The following RCN3 variants were observed in gnomAD, a reference collection of about 807,000 sequenced individuals.
The protein encoded by RCN3 is reticulocalbin-3.
In RCN3, 41 loss-of-function variants were observed where a neutral mutation model predicts 35.9. The ratio of observed to expected loss-of-function variants is 1.14; its 90% confidence interval spans 0.89 to 1.48. The LOEUF (loss-of-function observed/expected upper bound fraction) is 1.48. RCN3 is among the 40% of genes most tolerant of loss of function. The probability of loss-of-function intolerance (pLI) is 0.00; values close to 1 mark genes in which losing one functional copy is unlikely to be tolerated. For missense variants in RCN3, 451 were observed against 471.3 expected (o/e 0.96, Z 0.40); for synonymous variants, 187 against 193.4 (o/e 0.97, Z 0.27).
chr19:49,539,885 G>A (rs1245470918), intron 5 of RCN3, among the ~76,000 whole-genome samples: 1 of 151,950 alleles, frequency 6.6e-6, no homozygotes, highest in Non-Finnish European at 1.5e-5. Context: ...ACCACGCCTG[G>A]CTAATTTTTG....
In RCN3 at chr19:49,534,350, G is replaced by A; in HGVS notation, c.400G>A (p.Gly134Ser). The A allele has an allele frequency of 9.1e-6, 14 of 1,535,008 alleles. No homozygotes were observed. Among genetic ancestry groups the A allele is most frequent in the Non-Finnish European group, 1.2e-5 (14 of 1,142,022 alleles). ...CGACACGGACCGCGACGGGCGTGTG[G>A]GTTGGGAGGAGCTGCGCAACGCCAC... ...TYDTDRDGRV[G>S]WEELRNATYG... The change falls in exon 3 of 7, where the codon GGT becomes AGT. Residue 134 changes from glycine to serine, a missense_variant. Gly to Ser is a moderately conservative substitution (Grantham distance 56). Transcript: ENST00000270645.
chr19:49,537,990 C>CTT (rs771610301), intron 4 of RCN3, among the ~76,000 whole-genome samples: 259 of 142,454 alleles, frequency 1.8e-3, no homozygotes, highest in African/African-American at 6.3e-3. Flanking sequence ...TTTCCTTCCT[C>CTT]TTTTTTTTTT....
chr19:49,542,410 C>T (rs1357555215), intron 5 of RCN3, 143 bp from the exon 6 acceptor site: 2 of 591,490 alleles, frequency 3.4e-6, no homozygotes, highest in African/African-American at 3.7e-5. Flanking sequence ...TCCATCGAAA[C>T]AGAAGAGGAC....
chr19:49,542,675 C>T lies in RCN3; in HGVS notation c.802C>T (p.His268Tyr). Residue 268 changes from histidine to tyrosine, a missense_variant, in exon 6 of 7, where the codon CAC (histidine) becomes TAC (tyrosine). By Grantham distance (83) the His-to-Tyr change is moderately conservative. Coordinates refer to ENST00000270645, the MANE Select transcript of RCN3 (RefSeq NM_020650.3). ...DGHLDGSEVG[H>Y]WVLPPAQDQP... ...GCACCTGGATGGGAGTGAGGTGGGC[C>T]ACTGGGTGCTGCCCCCTGCCCAGGA... is the stretch of plus-strand genomic sequence containing the variant. 1.3e-6 allele frequency: 2 copies of T among 1,598,922 alleles called. No homozygotes were observed. The highest frequency in any genetic ancestry group is 1.7e-6 in the Non-Finnish European group (2 of 1,174,238).
chr19:49,535,873 T>TAGATAGATAGATAGATAG (rs369474948), intron 3 of RCN3, among the ~76,000 whole-genome samples: 3 of 144,794 alleles, frequency 2.1e-5, no homozygotes, highest in African/African-American at 7.8e-5. Flanking sequence ...TATATATATA[T>TAGATAGATAGATAGATAG]ATAGATAGAT....
intron 4 of RCN3, among the ~76,000 whole-genome samples, chr19:49,538,716 G>A (rs1267459189): frequency 6.6e-6 from 1 of 152,158 alleles, no homozygotes; most frequent in Non-Finnish European, 1.5e-5. Context: ...TGTGTCAGAA[G>A]AAGCCCCAAA....
At chr19:49,535,873 T>TATATATAGATAG (rs1555811318) in intron 3 of RCN3, among the ~76,000 whole-genome samples, 40 of 144,796 alleles carry the variant, frequency 2.8e-4, no homozygotes, top group African/African-American at 9.3e-4. Context: ...TATATATATA[T>TATATATAGATAG]ATAGATAGAT....
At chr19:49,538,524 C>A (rs761209115) in intron 4 of RCN3, among the ~76,000 whole-genome samples, 84 of 151,740 alleles carry the variant, frequency 5.5e-4, no homozygotes, top group Non-Finnish European at 1.1e-3. Flanking sequence ...GTTGCCCAGG[C>A]TAGTCTCAAA....
Position 49,543,356 on chromosome 19 carries a change from C to A in RCN3, c.*143C>A, listed in dbSNP as rs2080173157. ...TCCTGCCCCTGGGCTCTCAGGGACCCCCTGGGTCGGCTTCTGTCCCTGTCA... is the reference window on the plus strand; with the variant it reads ...TCCTGCCCCTGGGCTCTCAGGGACCACCTGGGTCGGCTTCTGTCCCTGTCA... On this transcript the variant is annotated 3_prime_UTR_variant, in exon 7 of 7. Coordinates refer to ENST00000270645, the MANE Select transcript of RCN3 (RefSeq NM_020650.3). The A allele has an allele frequency of 4.3e-6, 3 of 700,284 alleles. No individual in the cohort carries two copies. The Admixed American group carries it at 7.0e-5, about 16-fold the overall frequency. 43.4% of individuals were successfully genotyped at this position (700,284 alleles called of 1,614,324 possible). A position where few individuals can be genotyped will look rare whatever the true frequency, so the allele number is the denominator to read the frequency against.
intron 4 of RCN3, among the ~76,000 whole-genome samples, chr19:49,538,436 G>C (rs1467857269): frequency 6.6e-6 from 1 of 151,730 alleles, no homozygotes; most frequent in Non-Finnish European, 1.5e-5. Flanking sequence ...CAAAGTGCTG[G>C]GATTACAGTT....
intron 2 of RCN3, among the ~76,000 whole-genome samples, chr19:49,531,356 C>T (rs982331747): frequency 4.0e-5 from 6 of 151,814 alleles, no homozygotes; most frequent in Admixed American, 2.0e-4. Flanking sequence ...CTCACGCCTG[C>T]AATCCCAGCA....
Position 49,537,244 on chromosome 19 carries a change from C to T in RCN3, c.618+39C>T, listed in dbSNP as rs757862817. ...GGGGAACCCTGTCCCCCACACCCTT[C>T]CGGGGACCCAGGCTTCCGGTTCAGG... On this transcript the variant is annotated intron_variant, in intron 4 of 6. Coordinates refer to ENST00000270645, the MANE Select transcript of RCN3 (RefSeq NM_020650.3). The T allele has an allele frequency of 4.2e-6, 6 of 1,420,546 alleles. No homozygotes were observed. The South Asian group carries it at 7.8e-5, about 18-fold the overall frequency. 88.0% of individuals were successfully genotyped at this position (1,420,546 alleles called of 1,614,324 possible). A position where few individuals can be genotyped will look rare whatever the true frequency, so the allele number is the denominator to read the frequency against.
Position 49,534,290 on chromosome 19 carries a change from A to G in RCN3, c.340A>G (p.Ile114Val). The G allele has an allele frequency of 2.0e-6, 3 of 1,483,874 alleles. No homozygotes were observed. Among genetic ancestry groups the G allele is most frequent in the Non-Finnish European group, 1.8e-6 (2 of 1,119,374 alleles). 91.9% of individuals were successfully genotyped at this position (1,483,874 alleles called of 1,614,324 possible). A position where few individuals can be genotyped will look rare whatever the true frequency, so the allele number is the denominator to read the frequency against. ...AWIAHTQQRH[I>V]RDSVSAAWDT... ...GATCGCGCACACGCAGCAGCGGCAC[A>G]TACGGGACTCGGTGAGCGCGGCCTG... Residue 114 changes from isoleucine to valine, a missense_variant, in exon 3 of 7, where the codon ATA (isoleucine) becomes GTA (valine). Ile to Val is a conservative substitution (Grantham distance 29). Transcript: ENST00000270645.
chr19:49,538,167 T>G (rs2080145844), intron 4 of RCN3, among the ~76,000 whole-genome samples: 1 of 149,236 alleles, frequency 6.7e-6, no homozygotes, highest in Non-Finnish European at 1.5e-5. Flanking sequence ...TAATGTTTTT[T>G]TTTTTTTTTT....
At chr19:49,535,861 A>AATAT (rs1555811304) in intron 3 of RCN3, among the ~76,000 whole-genome samples, 43 of 142,738 alleles carry the variant, frequency 3.0e-4, no homozygotes, top group Middle Eastern at 3.6e-3. Flanking sequence ...AAAAAAAAAA[A>AATAT]ATATATATAT....
chr19:49,533,537 G>A (rs968599556), intron 2 of RCN3, among the ~76,000 whole-genome samples: 1 of 152,182 alleles, frequency 6.6e-6, no homozygotes, highest in African/African-American at 2.4e-5. Flanking sequence ...CAGGAGCCCG[G>A]AGGAGCATGG....
intron 5 of RCN3, among the ~76,000 whole-genome samples, chr19:49,541,987 A>T (rs1389069714): frequency 6.6e-6 from 1 of 151,884 alleles, no homozygotes; most frequent in Non-Finnish European, 1.5e-5. Flanking sequence ...TCTTAAAAAA[A>T]AAAAGGGGGT....
chr19:49,529,819 C>G (rs768681042), intron 2 of RCN3, among the ~76,000 whole-genome samples: 2 of 144,046 alleles, frequency 1.4e-5, no homozygotes, highest in Non-Finnish European at 3.1e-5. Flanking sequence ...TGCAGTGGTG[C>G]GATCTCGGCT....
At position 49,543,244 on chromosome 19, in the gene RCN3, C is replaced by T. The variant is rs778365924; in HGVS notation, c.*31C>T. Reference sequence around the variant, plus strand: ...GCGCACCTGCCACAGCCTCAGAGGCCCGCACAATGACCGGAGGAGGGGCCG... The same window carrying T: ...GCGCACCTGCCACAGCCTCAGAGGCTCGCACAATGACCGGAGGAGGGGCCG... On this transcript the variant is annotated 3_prime_UTR_variant, in exon 7 of 7. Coordinates refer to ENST00000270645, the MANE Select transcript of RCN3 (RefSeq NM_020650.3). 1.4e-5 allele frequency: 22 copies of T among 1,562,472 alleles called. No individual in the cohort carries two copies. In the South Asian group the frequency reaches 2.0e-4, roughly 14 times the overall value.
Sources: gnomAD v4.1 joint callset for allele counts (sites outside exome capture counted in the v4.1 genomes callset) on GRCh38, gnomAD v4.1.1 for gene constraint, MANE v1.5 for transcripts, NCBI Gene and HGNC (gene_info 2026-07-23, HGNC 2026-07-21) for gene names.